The following NXPH2 variants were observed in gnomAD, a reference collection of about 807,000 sequenced individuals.
NXPH2 encodes the protein neurexophilin 2.
Under a neutral mutation model 19.8 loss-of-function variants are expected in NXPH2, and 5 were observed. That is an observed-to-expected ratio of 0.25 (90% CI 0.13 to 0.53). The LOEUF (loss-of-function observed/expected upper bound fraction) is 0.53, where lower values mean the gene tolerates loss of function less well. NXPH2 is among the 20% of genes least tolerant of loss of function. The probability of loss-of-function intolerance (pLI) is 0.96; values close to 1 mark genes in which losing one functional copy is unlikely to be tolerated. For missense variants in NXPH2, 289 were observed against 322.8 expected (o/e 0.90, Z 0.80); for synonymous variants, 154 against 127.4 (o/e 1.21, Z -1.41).
chr2:138,759,075 T>C (rs1681960931), intron 1 of NXPH2, among the ~76,000 whole-genome samples: 1 of 152,198 alleles, frequency 6.6e-6, no homozygotes, highest in Admixed American at 6.5e-5. Context: ...CAAAAGACTC[T>C]GGTGCATCAT....
intron 1 of NXPH2, among the ~76,000 whole-genome samples, chr2:138,746,082 A>T (rs991513199): frequency 3.3e-5 from 5 of 152,162 alleles, no homozygotes; most frequent in African/African-American, 1.2e-4. Context: ...TCCTGTATGG[A>T]AGCTGTCTGA....
chr2:138,715,469 G>T (rs1360613274), intron 1 of NXPH2, among the ~76,000 whole-genome samples: 1 of 152,102 alleles, frequency 6.6e-6, no homozygotes, highest in Non-Finnish European at 1.5e-5. Flanking sequence ...CATCACAATA[G>T]CAGGGTGAAT....
chr2:138,739,501 C>A (rs886531744), intron 1 of NXPH2, among the ~76,000 whole-genome samples: 6 of 151,992 alleles, frequency 3.9e-5, no homozygotes, highest in African/African-American at 9.7e-5. Context: ...GGGTGTAGAA[C>A]AGGAGGAAGG....
intron 1 of NXPH2, among the ~76,000 whole-genome samples, chr2:138,689,089 C>T (rs539279343): frequency 4.6e-5 from 7 of 152,162 alleles, no homozygotes; most frequent in African/African-American, 1.2e-4. Context: ...TTCGTATTGC[C>T]ATTTCTCCCT....
At chr2:138,767,342 C>T (rs1397447735) in intron 1 of NXPH2, among the ~76,000 whole-genome samples, 2 of 152,234 alleles carry the variant, frequency 1.3e-5, no homozygotes, top group Non-Finnish European at 2.9e-5. Flanking sequence ...CAACTGTGTG[C>T]CTCATCATCC....
intron 1 of NXPH2, among the ~76,000 whole-genome samples, chr2:138,721,206 T>C (rs1681273795): frequency 6.6e-6 from 1 of 151,954 alleles, no homozygotes; most frequent in African/African-American, 2.4e-5. Flanking sequence ...CCAGACGTGG[T>C]GGTCTGCACC....
At chr2:138,712,722 G>T (rs933320638) in intron 1 of NXPH2, among the ~76,000 whole-genome samples, 1 of 152,034 alleles carries the variant, frequency 6.6e-6, no homozygotes, top group African/African-American at 2.4e-5. Flanking sequence ...CAAAGCATTG[G>T]CTATTGTGCC....
chr2:138,675,360 A>C (rs1680471141), intron 1 of NXPH2, among the ~76,000 whole-genome samples: 1 of 152,164 alleles, frequency 6.6e-6, no homozygotes, highest in Admixed American at 6.5e-5. Flanking sequence ...ATAAAAATTG[A>C]GCCCATCATT....
intron 1 of NXPH2, among the ~76,000 whole-genome samples, chr2:138,723,623 A>C (rs1681312102): frequency 6.6e-6 from 1 of 152,160 alleles, no homozygotes; most frequent in Admixed American, 6.5e-5. Context: ...CATAAAAGGA[A>C]ACTGACATTT....
At chr2:138,760,024 C>T (rs978990735) in intron 1 of NXPH2, among the ~76,000 whole-genome samples, 10 of 152,030 alleles carry the variant, frequency 6.6e-5, no homozygotes, top group Non-Finnish European at 1.3e-4. Flanking sequence ...CCACAGAGCC[C>T]GGCCGCCACC....
intron 1 of NXPH2, among the ~76,000 whole-genome samples, chr2:138,750,679 G>T (rs1278925766): frequency 6.6e-6 from 1 of 152,154 alleles, no homozygotes; most frequent in African/African-American, 2.4e-5. Flanking sequence ...ATAAGTGAAT[G>T]ATGGCAAATC....
intron 1 of NXPH2, among the ~76,000 whole-genome samples, chr2:138,679,679 C>A (rs1270950452): frequency 2.0e-5 from 3 of 152,120 alleles, no homozygotes; most frequent in African/African-American, 7.2e-5. Flanking sequence ...GGATTACAGG[C>A]GTGAGCCACT....
intron 1 of NXPH2, among the ~76,000 whole-genome samples, chr2:138,672,482 A>G (rs2104963566): frequency 6.6e-6 from 1 of 152,214 alleles, no homozygotes; most frequent in East Asian, 1.9e-4. Context: ...TTTTCTTTTT[A>G]TTCTTTGTAT....
rs1263629864 is a variant in NXPH2, at chr2:138,780,324, G to T, written c.-83C>A. Reference sequence around the variant, plus strand: ...CTCCACTTCGCGGGGCAGGACTGAGGACGCCAGGGACACAGCGCGGCGCTT... The same window carrying T: ...CTCCACTTCGCGGGGCAGGACTGAGTACGCCAGGGACACAGCGCGGCGCTT... On this transcript the variant is annotated 5_prime_UTR_variant, in exon 1 of 2. Coordinates refer to ENST00000272641, the MANE Select transcript of NXPH2 (RefSeq NM_007226.3). The T allele has an allele frequency of 1.0e-6, 1 of 993,380 alleles. No individual in the cohort carries two copies. The highest frequency in any genetic ancestry group is 1.3e-6 in the Non-Finnish European group (1 of 775,932). The allele number at this position is 993,380 out of a possible 1,614,324, so 61.5% of individuals were successfully genotyped here. A position where few individuals can be genotyped will look rare whatever the true frequency, so the allele number is the denominator to read the frequency against.
intron 1 of NXPH2, among the ~76,000 whole-genome samples, chr2:138,777,244 A>C (rs1320308451): frequency 1.3e-5 from 2 of 152,150 alleles, no homozygotes; most frequent in Non-Finnish European, 2.9e-5. Context: ...TTCATTTCAA[A>C]TGCTAATTTT....
At chr2:138,751,878 A>G (rs2104834065) in intron 1 of NXPH2, among the ~76,000 whole-genome samples, 1 of 152,276 alleles carries the variant, frequency 6.6e-6, no homozygotes, top group East Asian at 1.9e-4. Flanking sequence ...GGTAAGTCCT[A>G]AATGTAATAC....
intron 1 of NXPH2, among the ~76,000 whole-genome samples, chr2:138,772,163 A>G (rs1392211294): frequency 6.6e-6 from 1 of 152,108 alleles, no homozygotes; most frequent in Non-Finnish European, 1.5e-5. Context: ...TATAGGTGAG[A>G]TCCTGAAAAG....
chr2:138,679,065 T>C (rs1393232889), intron 1 of NXPH2, among the ~76,000 whole-genome samples: 1 of 152,220 alleles, frequency 6.6e-6, no homozygotes, highest in East Asian at 1.9e-4. Context: ...TTCATCATTG[T>C]GATAGCTCCG....
intron 1 of NXPH2, among the ~76,000 whole-genome samples, chr2:138,748,592 T>C (rs1218210505): frequency 6.6e-6 from 1 of 152,048 alleles, no homozygotes; most frequent in East Asian, 1.9e-4. Flanking sequence ...TCTCTCTCTT[T>C]CCCTCTCTCT....
Sources: allele counts gnomAD v4.1 joint callset (sites outside exome capture counted in the v4.1 genomes callset), GRCh38; gene constraint gnomAD v4.1.1; transcripts MANE v1.5; gene names NCBI Gene and HGNC (gene_info 2026-07-23, HGNC 2026-07-21).